ABCC6: variants seen among roughly 807,000 people sequenced by gnomAD.
ABCC6 encodes ATP binding cassette subfamily C member 6.
A neutral mutation model predicts 169.5 loss-of-function variants in ABCC6; 126 were observed. The observed-to-expected ratio is 0.74, with a 90% CI of 0.64 to 0.86. The LOEUF is 0.86. Among genes scored for constraint, ABCC6 ranks in the 40% least tolerant of loss-of-function variants. The pLI is 0.00. For synonymous variants in ABCC6, 752 were observed against 814.7 expected, an observed-to-expected ratio of 0.92 and a Z score of 1.31; for missense variants, 1,733 against 1,927.2, an observed-to-expected ratio of 0.90 and a Z score of 1.89.
chr16:16,152,794 C>A (rs1194425138), intron 29 of ABCC6, among the ~76,000 whole-genome samples: 1 of 152,094 alleles, frequency 6.6e-6, no homozygotes, highest in Non-Finnish European at 1.5e-5. Context: ...TACTCTTACC[C>A]ACCAAGCAAC....
At chr16:16,171,685 GGATA>G (rs1466332630) in intron 21 of ABCC6, among the ~76,000 whole-genome samples, 3 of 152,148 alleles carry the variant, frequency 2.0e-5, no homozygotes, top group Non-Finnish European at 4.4e-5. Flanking sequence ...TTGTTAGGTG[GGATA>G]GATGGATGGG....
intron 4 of ABCC6, among the ~76,000 whole-genome samples, chr16:16,215,485 T>C (rs1041360965): frequency 2.6e-5 from 4 of 151,312 alleles, no homozygotes; most frequent in Non-Finnish European, 4.4e-5. Context: ...ATACTTTTTT[T>C]TTTTTTGAGA....
rs952478341 is a variant in ABCC6, at chr16:16,182,688, G to A, written c.2071-100C>T. 1.8e-5 allele frequency: 29 copies of A among 1,592,422 alleles called. No individual in the cohort carries two copies. In the East Asian group the frequency reaches 4.7e-4, roughly 26 times the overall value. On this transcript the variant is annotated intron_variant, in intron 16 of 30. Coordinates refer to ENST00000205557, the MANE Select transcript of ABCC6 (RefSeq NM_001171.6). Reference sequence around the variant, plus strand: ...GCTGGGCTCTCAGTGGTGGGTGAGAGGTGGAGAGAATGAGTGAAAGTGAAC... The same window carrying A: ...GCTGGGCTCTCAGTGGTGGGTGAGAAGTGGAGAGAATGAGTGAAAGTGAAC...
At chr16:16,155,228 C>T (rs973108199) in intron 27 of ABCC6, 197 bp from the exon 28 acceptor site, 14 of 655,186 alleles carry the variant, frequency 2.1e-5, no homozygotes, top group Non-Finnish European at 3.4e-5. Context: ...CTGTGTTCTT[C>T]TCTATCTTTC....
intron 21 of ABCC6, 27 bp from the exon 22 acceptor site, chr16:16,169,880 G>C: frequency 4.6e-5 from 71 of 1,536,078 alleles, no homozygotes; most frequent in Non-Finnish European, 5.8e-5. Context: ...GGAGAGGGAG[G>C]CAGAGAGAGC....
rs2047508512 is a variant in ABCC6 at position 16,182,467 on chromosome 16, A to T, written c.2192T>A (p.Leu731Gln). 6.2e-7 allele frequency: 1 copy of T among 1,614,066 alleles called. No individual in the cohort carries two copies. Among genetic ancestry groups the T allele is most frequent in the Non-Finnish European group, 8.5e-7 (1 of 1,180,036 alleles). Residue 731 changes from leucine (L) to glutamine (Q), a missense_variant, in exon 17 of 31, where the codon CTG (leucine) becomes CAG (glutamine). Leu to Gln is a moderately radical substitution (Grantham distance 113). This residue lies in a region of ABCC6 where 1,601 missense variants were observed against 1,635.5 expected (regional missense o/e 0.98). Coordinates refer to ENST00000205557, the MANE Select transcript of ABCC6 (RefSeq NM_001171.6). ...AGGGAAGCTGTCCACATCTGGCTGC[A>T]GGGCACAGGCTTCTAGTACTCTCTC... ...WLERVLEACA[L>Q]QPDVDSFPEG... is the part of the protein sequence containing the mutation.
Position 16,208,771 on chromosome 16 carries a change from G to A in ABCC6, c.751C>T (p.Arg251Trp), listed in dbSNP as rs199645691. The change falls in exon 7 of 31, where the codon CGG (arginine) becomes TGG (tryptophan). Residue 251 changes from arginine to tryptophan, a missense_variant. Physicochemically the swap from Arg to Trp is moderately radical, Grantham distance 101. Transcript: ENST00000205557. Reference protein sequence around the residue: ...RENSSEELVSRLEKEWMRNRS... With the variant: ...RENSSEELVSWLEKEWMRNRS... The stretch of plus-strand genomic sequence containing the variant: ...TTCCTCATCCACTCCTTTTCAAGCC[G>A]GGAAACAAGTTCTTCTGAGGAGTTT... 2.2e-5 allele frequency: 35 copies of A among 1,613,256 alleles called. No homozygotes were observed. The highest frequency in any genetic ancestry group is 1.6e-4 in the Middle Eastern group (1 of 6,078).
At chr16:16,151,467 C>T (rs138135774) in intron 29 of ABCC6, among the ~76,000 whole-genome samples, 1 of 152,296 alleles carries the variant, frequency 6.6e-6, no homozygotes, top group African/African-American at 2.4e-5. Context: ...TCAGTCATGC[C>T]GTTGCAAACA....
intron 28 of ABCC6, 28 bp downstream of exon 28, chr16:16,154,845 C>G (rs759717857): frequency 1.2e-6 from 2 of 1,610,960 alleles, no homozygotes; most frequent in Non-Finnish European, 1.7e-6. Flanking sequence ...TGCCTCCCAT[C>G]TTTGCCCACC....
intron 4 of ABCC6, among the ~76,000 whole-genome samples, chr16:16,215,192 C>T (rs999110953): frequency 3.9e-5 from 6 of 152,268 alleles, no homozygotes; most frequent in East Asian, 3.9e-4. Context: ...TGAGCACATG[C>T]GGCATTCTTG....
At chr16:16,178,220 G>A (rs552129859) in intron 18 of ABCC6, among the ~76,000 whole-genome samples, 7 of 152,108 alleles carry the variant, frequency 4.6e-5, no homozygotes, top group Admixed American at 6.6e-5. Context: ...CCAGCTACTC[G>A]GGAGGCTGAG....
chr16:16,157,573 G>A, intron 27 of ABCC6, 90 bp downstream of exon 27: 4 of 1,540,182 alleles, frequency 2.6e-6, no homozygotes, highest in Non-Finnish European at 2.7e-6. Context: ...GGACACTGTG[G>A]AGGTGGCTGG....
At chr16:16,186,934 G>C (rs1485947279) in intron 14 of ABCC6, among the ~76,000 whole-genome samples, 190 bp downstream of exon 14, 1 of 152,068 alleles carries the variant, frequency 6.6e-6, no homozygotes, top group Non-Finnish European at 1.5e-5. Flanking sequence ...GTCGCTGAAT[G>C]GCTAGCAGAA....
chr16:16,210,244 C>T (rs1244419567), intron 6 of ABCC6, among the ~76,000 whole-genome samples: 2 of 152,000 alleles, frequency 1.3e-5, no homozygotes, highest in Non-Finnish European at 2.9e-5. Flanking sequence ...TCAAGTGATT[C>T]TCCTGCCTCA....
At chr16:16,179,470 G>A (rs2047399344) in intron 17 of ABCC6, among the ~76,000 whole-genome samples, 1 of 152,212 alleles carries the variant, frequency 6.6e-6, no homozygotes, top group African/African-American at 2.4e-5. Context: ...CCAGGGACCA[G>A]TTTTGTAGAA....
intron 14 of ABCC6, 135 bp downstream of exon 14, chr16:16,186,989 G>A (rs1403802894): frequency 1.5e-5 from 11 of 753,810 alleles, no homozygotes; most frequent in East Asian, 1.1e-4. Context: ...CGCAGATGGC[G>A]TGATCTGCAC....
chr16:16,197,890 G>A (rs1333846101), intron 10 of ABCC6, 131 bp downstream of exon 10: 5 of 1,093,376 alleles, frequency 4.6e-6, no homozygotes, highest in South Asian at 1.4e-5. Flanking sequence ...CTAACCCTGG[G>A]GTCACAGCGG....
intron 6 of ABCC6, among the ~76,000 whole-genome samples, chr16:16,211,765 C>T (rs373849574): frequency 6.6e-6 from 1 of 152,152 alleles, no homozygotes; most frequent in Admixed American, 6.6e-5. Flanking sequence ...TATCTCCTCA[C>T]CCCTGGGGCT....
In ABCC6 at chr16:16,159,603, C is replaced by T. The variant is rs1435460932; in HGVS notation, c.3634-20G>A. The T allele has an allele frequency of 1.2e-6, 2 of 1,613,252 alleles. No individual in the cohort carries two copies. Among genetic ancestry groups the T allele is most frequent in the African/African-American group, 2.7e-5 (2 of 74,930 alleles). ...GGTCACCTGGTGCAAGAAAGCCTCT[C>T]TGGCTGGGTTTGGCAAGGCCACTTG... is the stretch of plus-strand genomic sequence containing the variant. On this transcript the variant is annotated intron_variant, in intron 25 of 30. Coordinates refer to ENST00000205557, the MANE Select transcript of ABCC6 (RefSeq NM_001171.6).
Sources: allele counts gnomAD v4.1 joint callset (sites outside exome capture counted in the v4.1 genomes callset), GRCh38; gene constraint gnomAD v4.1.1; regional missense constraint gnomAD v4.1.1; transcripts MANE v1.5; gene names NCBI Gene and HGNC (gene_info 2026-07-23, HGNC 2026-07-21).